MYBPC1: variants seen among roughly 807,000 people sequenced by gnomAD.
The protein encoded by MYBPC1 is myosin-binding protein C, slow-type.
A neutral mutation model predicts 147.1 loss-of-function variants in MYBPC1; 52 were observed. The ratio of observed to expected loss-of-function variants is 0.35; its 90% CI spans 0.28 to 0.45. The LOEUF is 0.45. Among genes scored for constraint, MYBPC1 ranks in the 20% least tolerant of loss-of-function variants. The pLI is 1.00. For synonymous variants in MYBPC1, 477 were observed against 475.9 expected, an observed-to-expected ratio of 1.00 and a Z score of -0.03; for missense variants, 1,228 against 1,440.3, an observed-to-expected ratio of 0.85 and a Z score of 2.39.
chr12:101,616,096 C>T (rs989331367), intron 2 of MYBPC1, among the ~76,000 whole-genome samples: 2 of 152,100 alleles, frequency 1.3e-5, no homozygotes, highest in African/African-American at 4.8e-5. Flanking sequence ...CACACTCAAA[C>T]CCTAAACAGT....
At chr12:101,621,434 TA>T (rs1403587483) in intron 3 of MYBPC1, among the ~76,000 whole-genome samples, 2 of 152,184 alleles carry the variant, frequency 1.3e-5, no homozygotes, top group Non-Finnish European at 2.9e-5. Flanking sequence ...TGCAATAAAT[TA>T]ACCGAATGCC....
chr12:101,629,344 A>T, intron 5 of MYBPC1, 90 bp from the exon 6 acceptor site: 1 of 862,370 alleles, frequency 1.2e-6, no homozygotes, highest in South Asian at 1.3e-5. Flanking sequence ...AAGAAAAGCT[A>T]CAGCGTTGGT....
At chr12:101,633,543 C>G (rs2136079672) in intron 8 of MYBPC1, among the ~76,000 whole-genome samples, 1 of 151,882 alleles carries the variant, frequency 6.6e-6, no homozygotes, top group Non-Finnish European at 1.5e-5. Context: ...AAAAATTAGC[C>G]AGGCGTGGTG....
chr12:101,626,140 C>A (rs1888563628), intron 3 of MYBPC1, among the ~76,000 whole-genome samples: 1 of 139,734 alleles, frequency 7.2e-6, no homozygotes, highest in Admixed American at 7.2e-5. Context: ...GTTTTTAGGT[C>A]AATTAGGTAG....
At chr12:101,687,467 C>G (rs1951368117), downstream of MYBPC1, among the ~76,000 whole-genome samples, 1 of 152,110 alleles carries the variant, frequency 6.6e-6, no homozygotes, top group Admixed American at 6.6e-5. Flanking sequence ...TTAATCCAGT[C>G]TATCATTGTT....
intron 4 of MYBPC1, 132 bp from the exon 5 acceptor site, chr12:101,627,637 A>C: frequency 2.1e-6 from 2 of 964,736 alleles, no homozygotes; most frequent in Non-Finnish European, 3.4e-6. Context: ...ATCCAAGCCA[A>C]CTTGTAGGGT....
intron 13 of MYBPC1, 47 bp from the exon 14 acceptor site, chr12:101,647,998 A>T: frequency 6.9e-7 from 1 of 1,457,620 alleles, no homozygotes; most frequent in Non-Finnish European, 9.6e-7. Context: ...CTCATGGGAT[A>T]GGCTTTGGAT....
In MYBPC1 at chr12:101,631,689, G is replaced by C; in HGVS notation, c.408G>C (p.Gln136His). The change falls in exon 7 of 32, where the codon CAG becomes CAC. Residue 136 changes from glutamine to histidine, a missense_variant. By Grantham distance (24) the Gln-to-His change is conservative (BLOSUM62 0). Coordinates refer to ENST00000361466, the MANE Select transcript of MYBPC1 (RefSeq NM_002465.4). ...DLASKAGKHLQLKETFERHSR... is the reference protein window; with the variant it reads ...DLASKAGKHLHLKETFERHSR... ...CCAGCAAAGCCGGGAAGCACCTTCA[G>C]CTGAAGGAAACCTTTGAGAGGCACA... 6.2e-7 allele frequency: 1 copy of C among 1,614,212 alleles called. No individual in the cohort carries two copies.
intron 9 of MYBPC1, among the ~76,000 whole-genome samples, chr12:101,635,110 C>A (rs374498142): frequency 1.3e-5 from 2 of 152,094 alleles, no homozygotes; most frequent in African/African-American, 4.8e-5. Context: ...ATGAAACTGG[C>A]ATTAAGAATA....
Position 101,667,802 on chromosome 12 carries a change from A to C in MYBPC1, c.2427A>C (p.Thr809=). The part of the protein sequence containing the change: ...KTKFTITGLP[T]DAKIFVRVKA... Reference sequence around the variant, plus strand: ...AGTTCACCATCACAGGTCTGCCAACAGATGCAAAGATCTTTGTGCGTGTGA... The same window carrying C: ...AGTTCACCATCACAGGTCTGCCAACCGATGCAAAGATCTTTGTGCGTGTGA... The change falls in exon 23 of 32, where the codon ACA becomes ACC. Residue 809 remains threonine (T), a synonymous_variant. Coordinates refer to ENST00000361466, the MANE Select transcript of MYBPC1 (RefSeq NM_002465.4). 6.2e-7 allele frequency: 1 copy of C among 1,614,236 alleles called. No individual in the cohort carries two copies. The highest frequency in any genetic ancestry group is 8.5e-7 in the Non-Finnish European group (1 of 1,180,046).
rs1483984184 is a variant in MYBPC1 at position 101,680,339 on chromosome 12, T to G, written c.3247-4T>G. The G allele has an allele frequency of 3.7e-6, 6 of 1,613,532 alleles. No individual in the cohort carries two copies. Among genetic ancestry groups the G allele is most frequent in the East Asian group, 2.2e-5 (1 of 44,874 alleles). On this transcript the variant is annotated splice_region_variant and splice_polypyrimidine_tract_variant and intron_variant, in intron 28 of 31. Transcript: ENST00000361466. ...GACCTAAGTTTCTTCAATTTGAACTTCAGCCTAAAATAACCTGGATGAAAA... is the reference window on the plus strand; with the variant it reads ...GACCTAAGTTTCTTCAATTTGAACTGCAGCCTAAAATAACCTGGATGAAAA...
At chr12:101,624,182 C>T (rs1362507586) in intron 3 of MYBPC1, among the ~76,000 whole-genome samples, 5 of 151,578 alleles carry the variant, frequency 3.3e-5, no homozygotes, top group Non-Finnish European at 7.4e-5. Context: ...ATCTCAAATC[C>T]CACATGACCC....
chr12:101,663,152 C>T (rs985894783), intron 21 of MYBPC1, among the ~76,000 whole-genome samples: 6 of 152,118 alleles, frequency 3.9e-5, no homozygotes, highest in Non-Finnish European at 8.8e-5. Context: ...CATTAGATCC[C>T]AAACCTTGCC....
downstream of MYBPC1, among the ~76,000 whole-genome samples, chr12:101,686,702 G>A (rs1175295629): frequency 6.6e-6 from 1 of 151,992 alleles, no homozygotes. Context: ...CTTGTTGGTG[G>A]GCCCATGGCT....
At chr12:101,634,506 C>G (rs768818531) in intron 8 of MYBPC1, 48 bp from the exon 9 acceptor site, 2 of 1,459,830 alleles carry the variant, frequency 1.4e-6, no homozygotes, top group Admixed American at 3.3e-5. Context: ...TGAACACAAA[C>G]TACCTCCTTA....
chr12:101,628,685 A>G (rs1394543390), intron 5 of MYBPC1, among the ~76,000 whole-genome samples: 1 of 152,338 alleles, frequency 6.6e-6, no homozygotes, highest in South Asian at 2.1e-4. Context: ...TAGAATTGGA[A>G]TTGACTGCAG....
chr12:101,683,510 C>T (rs568701741), intron 30 of MYBPC1, among the ~76,000 whole-genome samples: 2 of 152,224 alleles, frequency 1.3e-5, no homozygotes, highest in South Asian at 4.1e-4. Flanking sequence ...ATCTGTAACC[C>T]ATCTATCTGT....
At chr12:101,611,611 T>C (rs1884292952) in intron 1 of MYBPC1, among the ~76,000 whole-genome samples, 1 of 152,122 alleles carries the variant, frequency 6.6e-6, no homozygotes, top group South Asian at 2.1e-4. Flanking sequence ...AGCAATAAAA[T>C]GAGATACCAG....
intron 19 of MYBPC1, chr12:101,660,078 A>G (rs1180611804): frequency 3.8e-6 from 2 of 524,954 alleles, no homozygotes; most frequent in Non-Finnish European, 6.9e-6. Flanking sequence ...CTGAAACACA[A>G]TTGCTAAATA....
Sources: gnomAD v4.1 joint callset for allele counts (sites outside exome capture counted in the v4.1 genomes callset) on GRCh38, gnomAD v4.1.1 for gene constraint, MANE v1.5 for transcripts, NCBI Gene and HGNC (gene_info 2026-07-23, HGNC 2026-07-21) for gene names.